The following DNAI7 variants were observed in gnomAD, a reference collection of about 807,000 sequenced individuals.
DNAI7 encodes the protein cancer susceptibility 1.
Under a neutral mutation model 86.6 loss-of-function variants are expected in DNAI7, and 78 were observed. That is an observed-to-expected ratio of 0.90 (90% CI 0.75 to 1.09). The LOEUF is 1.09. Among genes scored for constraint, DNAI7 ranks in the 50% least tolerant of loss-of-function variants. The pLI is 0.00. For synonymous variants in DNAI7, 274 were observed against 273.0 expected (o/e 1.00, Z -0.04); for missense variants, 753 against 810.2 (o/e 0.93, Z 0.86).
At position 25,146,922 on chromosome 12, in the gene DNAI7, T is replaced by C. The variant is rs1944915683; in HGVS notation, c.689+79A>G. The C allele has an allele frequency of 6.6e-6, 5 of 762,868 alleles. No individual in the cohort carries two copies. The East Asian group carries it at 7.7e-5, about 12-fold the overall frequency. The allele number at this position is 762,868 out of a possible 1,614,324, so 47.3% of individuals were successfully genotyped here. Reference sequence around the variant, plus strand: ...CCAAACACACCATGCTGCTATGCAATAGGCATCTATCTGGCAATCATGATG... The same window carrying C: ...CCAAACACACCATGCTGCTATGCAACAGGCATCTATCTGGCAATCATGATG... On this transcript the variant is annotated intron_variant, in intron 8 of 15. Transcript: ENST00000395987.
At chr12:25,144,233 T>C (rs1015064531) in intron 9 of DNAI7, 132 bp downstream of exon 9, 9 of 704,866 alleles carry the variant, frequency 1.3e-5, no homozygotes, top group Middle Eastern at 2.6e-4. Flanking sequence ...ATATTAAAAA[T>C]TGAGGCACTG....
intron 2 of DNAI7, among the ~76,000 whole-genome samples, chr12:25,168,582 C>A (rs1206421104): frequency 6.6e-6 from 1 of 152,170 alleles, no homozygotes; most frequent in Non-Finnish European, 1.5e-5. Flanking sequence ...ACCGCCGAGG[C>A]CTTGACTTAC....
intron 2 of DNAI7, among the ~76,000 whole-genome samples, chr12:25,162,967 A>C (rs1946999084): frequency 6.6e-6 from 1 of 152,192 alleles, no homozygotes; most frequent in Non-Finnish European, 1.5e-5. Flanking sequence ...ACAAGAACAA[A>C]CCAGCAATCC....
chr12:25,189,337 T>C (rs1170630775), intron 2 of DNAI7, among the ~76,000 whole-genome samples: 2 of 152,160 alleles, frequency 1.3e-5, no homozygotes, highest in Non-Finnish European at 2.9e-5. Flanking sequence ...CGAATGCATG[T>C]GCTATGAAAA....
intron 4 of DNAI7, among the ~76,000 whole-genome samples, chr12:25,155,818 A>G (rs1946090417): frequency 6.6e-6 from 1 of 152,234 alleles, no homozygotes; most frequent in Non-Finnish European, 1.5e-5. Flanking sequence ...TCACAAAAGA[A>G]TGCCCGGATG....
At chr12:25,146,758 A>G (rs747926467) in intron 8 of DNAI7, among the ~76,000 whole-genome samples, 5 of 152,250 alleles carry the variant, frequency 3.3e-5, no homozygotes, top group East Asian at 1.9e-4. Flanking sequence ...CTAATGTTTA[A>G]TCTTCAATCC....
intron 2 of DNAI7, among the ~76,000 whole-genome samples, chr12:25,174,395 TC>T (rs1215169464): frequency 0.032 from 52 of 1,628 alleles, 1 homozygote; most frequent in Non-Finnish European, 0.045. Context: ...ATGGGATATA[TC>T]ATATATATGG....
chr12:25,141,353 A>T (rs180811440), intron 9 of DNAI7, among the ~76,000 whole-genome samples: 1 of 152,344 alleles, frequency 6.6e-6, no homozygotes, highest in Admixed American at 6.5e-5. Flanking sequence ...ATCTATAAGG[A>T]ACTCAAACAA....
At chr12:25,147,481 C>CCCCCA (rs1044889049) in intron 7 of DNAI7, among the ~76,000 whole-genome samples, 1 of 148,818 alleles carries the variant, frequency 6.7e-6, no homozygotes, top group Non-Finnish European at 1.5e-5. Context: ...ATGAGACCAC[C>CCCCCA]CCCATCTCTA....
chr12:25,138,554 C>T (rs1943816732), intron 9 of DNAI7, among the ~76,000 whole-genome samples: 1 of 151,996 alleles, frequency 6.6e-6, no homozygotes, highest in Non-Finnish European at 1.5e-5. Context: ...TAAAAGGAAC[C>T]CTCAAAACCA....
chr12:25,191,838 A>G (rs1950550491), intron 1 of DNAI7, among the ~76,000 whole-genome samples: 1 of 152,258 alleles, frequency 6.6e-6, no homozygotes. Context: ...AAAGACTCAC[A>G]GTTACAATAA....
chr12:25,177,045 G>A (rs1305335272), intron 2 of DNAI7, among the ~76,000 whole-genome samples: 2 of 151,582 alleles, frequency 1.3e-5, no homozygotes, highest in African/African-American at 4.9e-5. Context: ...TGGGATTACA[G>A]GTGCCCACCA....
chr12:25,111,705 A>G (rs888533850), intron 14 of DNAI7, 67 bp downstream of exon 14: 6 of 936,434 alleles, frequency 6.4e-6, no homozygotes, highest in Non-Finnish European at 9.0e-6. Flanking sequence ...ATTAAATTAT[A>G]TAACATTTAA....
intron 2 of DNAI7, among the ~76,000 whole-genome samples, chr12:25,170,721 T>C (rs11522802): frequency 0.38 from 57,669 of 152,134 alleles, 12,938 homozygotes; most frequent in East Asian, 0.78. Flanking sequence ...ATAGATCATA[T>C]GATAGGCCAT....
Position 25,149,872 on chromosome 12 carries a change from C to T in DNAI7, c.439-98G>A, listed in dbSNP as rs1945294811. 3 of 676,652 alleles carry T rather than the reference C, an allele frequency of 4.4e-6. No individual in the cohort carries two copies. In the South Asian group the frequency reaches 6.6e-5, roughly 15 times the overall value. The allele number at this position is 676,652 out of a possible 1,614,324, so 41.9% of individuals were successfully genotyped here. A position where few individuals can be genotyped will look rare whatever the true frequency, so the allele number is the denominator to read the frequency against. ...ATCCCTTTTGAATTGAGGAACACAT[C>T]CTTAGCAAAACATATAGAAACCTTT... On this transcript the variant is annotated intron_variant, in intron 6 of 15. Transcript: ENST00000395987.
intron 1 of DNAI7, among the ~76,000 whole-genome samples, chr12:25,192,048 T>C (rs1950572074): frequency 6.6e-6 from 1 of 152,206 alleles, no homozygotes. Flanking sequence ...GAAGAGTGCA[T>C]ATATTACACT....
At chr12:25,133,920 GT>G (rs1027797435) in intron 9 of DNAI7, among the ~76,000 whole-genome samples, 2 of 152,176 alleles carry the variant, frequency 1.3e-5, no homozygotes, top group Non-Finnish European at 2.9e-5. Context: ...CTTTTATAAA[GT>G]AAAATTATTT....
chr12:25,157,900 T>C (rs1293227712), intron 4 of DNAI7, among the ~76,000 whole-genome samples: 1 of 152,120 alleles, frequency 6.6e-6, no homozygotes, highest in Non-Finnish European at 1.5e-5. Context: ...GCTTAAAGGT[T>C]ACAAGCATAG....
chr12:25,157,161 C>A (rs1946272800), intron 4 of DNAI7, among the ~76,000 whole-genome samples: 1 of 151,332 alleles, frequency 6.6e-6, no homozygotes, highest in South Asian at 2.1e-4. Context: ...GCCTGTAGTC[C>A]CAGCTACTCG....
Sources: allele counts gnomAD v4.1 joint callset (sites outside exome capture counted in the v4.1 genomes callset), GRCh38; gene constraint gnomAD v4.1.1; transcripts MANE v1.5; gene names NCBI Gene and HGNC (gene_info 2026-07-23, HGNC 2026-07-21).